The following TRPC4 variants were observed in gnomAD, a reference collection of about 807,000 sequenced individuals.
TRPC4 encodes the protein transient receptor potential cation channel subfamily C member 4.
Under a neutral mutation model 99.4 loss-of-function variants are expected in TRPC4, and 49 were observed. The ratio of observed to expected loss-of-function variants is 0.49; its 90% CI spans 0.39 to 0.63. The LOEUF is 0.63. Ranked by LOEUF, TRPC4 falls within the 20% of genes least tolerant of loss-of-function variation. The pLI, the probability that TRPC4 is intolerant of heterozygous loss-of-function variation, is 0.00. For missense variants in TRPC4, 898 were observed against 1,152.9 expected (o/e 0.78, Z 3.20); for synonymous variants, 454 against 425.9 (o/e 1.07, Z -0.81).
At chr13:37,818,073 GAA>G (rs1175148356) in intron 1 of TRPC4, among the ~76,000 whole-genome samples, 2 of 151,800 alleles carry the variant, frequency 1.3e-5, no homozygotes, top group African/African-American at 2.4e-5. Context: ...GCATAGCAAA[GAA>G]AATGATTAAT....
At chr13:37,691,434 G>A (rs532462699) in intron 4 of TRPC4, among the ~76,000 whole-genome samples, 44 of 152,234 alleles carry the variant, frequency 2.9e-4, no homozygotes, top group African/African-American at 1.1e-3. Flanking sequence ...GCTACTTTAA[G>A]GTTTTCTACT....
At chr13:37,700,070 C>T (rs960240618) in intron 3 of TRPC4, among the ~76,000 whole-genome samples, 1 of 152,152 alleles carries the variant, frequency 6.6e-6, no homozygotes, top group African/African-American at 2.4e-5. Context: ...TTGAAAATCA[C>T]AAAGGGTAGC....
At chr13:37,764,027 G>A (rs1956292937) in intron 2 of TRPC4, among the ~76,000 whole-genome samples, 1 of 151,654 alleles carries the variant, frequency 6.6e-6, no homozygotes, top group Non-Finnish European at 1.5e-5. Context: ...CATTGTTGAG[G>A]AGCATGACAG....
At chr13:37,768,137 C>G (rs906990895) in intron 2 of TRPC4, among the ~76,000 whole-genome samples, 2 of 151,422 alleles carry the variant, frequency 1.3e-5, no homozygotes, top group South Asian at 2.1e-4. Context: ...ATGTGAACTA[C>G]CAATATCACA....
chr13:37,693,390 C>T (rs1306536285), intron 3 of TRPC4, among the ~76,000 whole-genome samples: 2 of 152,114 alleles, frequency 1.3e-5, no homozygotes, highest in Admixed American at 1.3e-4. Flanking sequence ...GCCCTATGGA[C>T]AGTTCTGATT....
chr13:37,858,775 G>A (rs1959195290), intron 1 of TRPC4, among the ~76,000 whole-genome samples: 1 of 151,538 alleles, frequency 6.6e-6, no homozygotes, highest in Non-Finnish European at 1.5e-5. Flanking sequence ...ATGATTACCA[G>A]AGGCTGGTAT....
At chr13:37,705,826 A>G (rs1306163198) in intron 3 of TRPC4, among the ~76,000 whole-genome samples, 6 of 152,118 alleles carry the variant, frequency 3.9e-5, no homozygotes, top group Admixed American at 6.6e-5. Flanking sequence ...CTGCACGGTT[A>G]CACTTCAGGC....
chr13:37,683,784 G>A (rs2138827762), intron 4 of TRPC4, among the ~76,000 whole-genome samples: 1 of 152,298 alleles, frequency 6.6e-6, no homozygotes, highest in African/African-American at 2.4e-5. Context: ...CAGTGTTGGA[G>A]TTAAAGGATG....
intron 1 of TRPC4, among the ~76,000 whole-genome samples, chr13:37,812,787 A>G (rs955020038): frequency 1.3e-5 from 2 of 152,104 alleles, no homozygotes; most frequent in Non-Finnish European, 2.9e-5. Context: ...AGCACGAGAA[A>G]CATAAAGAAA....
intron 1 of TRPC4, among the ~76,000 whole-genome samples, chr13:37,821,636 T>C (rs1342646448): frequency 1.3e-5 from 2 of 151,856 alleles, no homozygotes; most frequent in Non-Finnish European, 2.9e-5. Flanking sequence ...TGGAACAAAA[T>C]AGAAAGCCTA....
chr13:37,633,037 A>G lies in TRPC4; in HGVS notation c.*3866T>C, dbSNP rs1012475001. On this transcript the variant is annotated 3_prime_UTR_variant, in exon 11 of 11. Coordinates refer to ENST00000379705, the MANE Select transcript of TRPC4 (RefSeq NM_016179.4). ...CCACCAAACACATGGGTAAATTTAG[A>G]TAATTTCCATAAATTCCCTGGGCTT... is the stretch of plus-strand genomic sequence containing the variant. Among the ~76,000 whole-genome samples the G allele has an allele frequency of 2.6e-5, 4 of 152,154 alleles. No homozygotes were observed. The highest frequency in any genetic ancestry group is 5.9e-5 in the Non-Finnish European group (4 of 68,030).
intron 4 of TRPC4, among the ~76,000 whole-genome samples, chr13:37,691,124 CAG>C (rs1376488546): frequency 6.6e-6 from 1 of 151,682 alleles, no homozygotes; most frequent in Non-Finnish European, 1.5e-5. Context: ...TTTTTTGAGA[CAG>C]AGTCTCACTC....
At chr13:37,723,870 C>T (rs763777145) in intron 3 of TRPC4, among the ~76,000 whole-genome samples, 9 of 151,798 alleles carry the variant, frequency 5.9e-5, no homozygotes, top group East Asian at 3.9e-4. Flanking sequence ...CTTTTTAATA[C>T]GGAAAAAATT....
At chr13:37,737,685 G>A (rs376317715) in intron 3 of TRPC4, among the ~76,000 whole-genome samples, 6 of 152,064 alleles carry the variant, frequency 3.9e-5, no homozygotes, top group African/African-American at 1.4e-4. Context: ...TGTTGCCCAA[G>A]CTGGTCTCCA....
chr13:37,804,084 T>C (rs1008569862), intron 1 of TRPC4, among the ~76,000 whole-genome samples: 1 of 152,096 alleles, frequency 6.6e-6, no homozygotes, highest in African/African-American at 2.4e-5. Context: ...CTTTTGATGG[T>C]CCGGATCTTT....
intron 6 of TRPC4, among the ~76,000 whole-genome samples, chr13:37,658,898 A>G (rs1189694062): frequency 1.3e-5 from 2 of 152,036 alleles, no homozygotes; most frequent in Admixed American, 1.3e-4. Context: ...AGAAGACCAG[A>G]AAAGGCCTCC....
intron 1 of TRPC4, among the ~76,000 whole-genome samples, chr13:37,786,453 G>A (rs1236647965): frequency 6.6e-6 from 1 of 151,844 alleles, no homozygotes; most frequent in Non-Finnish European, 1.5e-5. Context: ...TTGAGATGCG[G>A]GGATACTAAC....
At chr13:37,828,100 C>T (rs780581350) in intron 1 of TRPC4, among the ~76,000 whole-genome samples, 2 of 152,206 alleles carry the variant, frequency 1.3e-5, no homozygotes, top group East Asian at 1.9e-4. Context: ...TTGAGCTTCC[C>T]GAGTGAGGCA....
At chr13:37,847,034 C>T (rs917345459) in intron 1 of TRPC4, among the ~76,000 whole-genome samples, 77 of 151,978 alleles carry the variant, frequency 5.1e-4, no homozygotes, top group African/African-American at 1.9e-3. Context: ...ATGCACCCAA[C>T]ATCTGAGAAC....
Sources: gnomAD v4.1 joint callset for allele counts (sites outside exome capture counted in the v4.1 genomes callset) on GRCh38, gnomAD v4.1.1 for gene constraint, MANE v1.5 for transcripts, NCBI Gene and HGNC (gene_info 2026-07-23, HGNC 2026-07-21) for gene names.